The following WTAP variants were observed in gnomAD, a reference collection of about 807,000 sequenced individuals.
WTAP encodes WT1 associated protein, also known as pre-mRNA-splicing regulator WTAP.
In WTAP, 8 loss-of-function variants were observed where a neutral mutation model predicts 50.0. The observed-to-expected ratio is 0.16, with a 90% CI of 0.09 to 0.29. The LOEUF (loss-of-function observed/expected upper bound fraction) is 0.29. Among genes scored for constraint, WTAP ranks in the 10% least tolerant of loss-of-function variants. WTAP has a pLI of 1.00. For missense variants in WTAP, 295 were observed against 470.7 expected (o/e 0.63, Z 3.45); for synonymous variants, 194 against 169.0 (o/e 1.15, Z -1.15).
At position 159,743,803 on chromosome 6, in the gene WTAP, C is replaced by G. The variant is rs370153583; in HGVS notation, c.273+11C>G. On this transcript the variant is annotated intron_variant, in intron 5 of 7. Transcript: ENST00000621533. Reference sequence around the variant, plus strand: ...ATGCAAGAGTGTACTGTAAGTATTTCAAGTTATATAAATGTCTTTAGTTGA... The same window carrying G: ...ATGCAAGAGTGTACTGTAAGTATTTGAAGTTATATAAATGTCTTTAGTTGA... 1.5e-5 allele frequency: 24 copies of G among 1,592,366 alleles called. No homozygotes were observed. The highest frequency in any genetic ancestry group is 2.0e-5 in the Non-Finnish European group (24 of 1,172,594).
At position 159,727,512 on chromosome 6, in the gene WTAP, C is replaced by G; in HGVS notation, c.-200C>G. On this transcript the variant is annotated 5_prime_UTR_variant, in exon 1 of 8. Transcript: ENST00000621533. ...GGCGGCGGGGCCTGGTTTCCTCCCT[C>G]AGCGCCATTTTGTGGCAGCGAGACC... is the stretch of plus-strand genomic sequence containing the variant. The G allele has an allele frequency of 1.0e-6, 1 of 992,894 alleles. No individual in the cohort carries two copies. Among genetic ancestry groups the G allele is most frequent in the Non-Finnish European group, 1.2e-6 (1 of 835,764 alleles). The allele number at this position is 992,894 out of a possible 1,614,324, so 61.5% of individuals were successfully genotyped here.
At position 159,727,696 on chromosome 6, in the gene WTAP, C is replaced by G. The variant is rs1276356087; in HGVS notation, c.-16C>G. The G allele has an allele frequency of 3.1e-6, 3 of 983,350 alleles. No individual in the cohort carries two copies. Among genetic ancestry groups the G allele is most frequent in the African/African-American group, 1.8e-5 (1 of 56,270 alleles). The allele number at this position is 983,350 out of a possible 1,614,324, so 60.9% of individuals were successfully genotyped here. ...CCGGTGGCGCCGGCGCGGCTTCTGC[C>G]TGGAGAGGTAGGCGCGGGCCGGCTG... On this transcript the variant is annotated 5_prime_UTR_variant, in exon 1 of 8. Transcript: ENST00000621533.
intron 2 of WTAP, among the ~76,000 whole-genome samples, chr6:159,737,709 C>G (rs1779006127): frequency 6.6e-6 from 1 of 152,056 alleles, no homozygotes. Context: ...CCAGGCTGAT[C>G]TTGAACTCCC....
At chr6:159,735,284 G>A (rs558877188) in intron 1 of WTAP, among the ~76,000 whole-genome samples, 1 of 152,188 alleles carries the variant, frequency 6.6e-6, no homozygotes, top group African/African-American at 2.4e-5. Context: ...GATTACAGGC[G>A]TGTGCCACTA....
At chr6:159,737,433 A>AT (rs748291962) in intron 2 of WTAP, among the ~76,000 whole-genome samples, 1 of 152,176 alleles carries the variant, frequency 6.6e-6, no homozygotes, top group Non-Finnish European at 1.5e-5. Flanking sequence ...AATTTGAAAC[A>AT]TTTTTAAGGA....
At chr6:159,729,981 G>A (rs569225037) in intron 1 of WTAP, among the ~76,000 whole-genome samples, 64 of 152,260 alleles carry the variant, frequency 4.2e-4, no homozygotes, top group African/African-American at 1.5e-3. Flanking sequence ...CTGTGTTAAG[G>A]CATCAAGAGT....
At chr6:159,731,140 CAAAA>C (rs892276964) in intron 1 of WTAP, among the ~76,000 whole-genome samples, 5 of 149,956 alleles carry the variant, frequency 3.3e-5, no homozygotes, top group African/African-American at 9.8e-5. Context: ...GACTACGTCT[CAAAA>C]AAAAGAAAAA....
chr6:159,734,427 CTAG>C (rs1013824219), intron 1 of WTAP, among the ~76,000 whole-genome samples: 1 of 150,948 alleles, frequency 6.6e-6, no homozygotes, highest in African/African-American at 2.4e-5. Context: ...GGTCAAATTT[CTAG>C]TAGTTTAGAA....
At chr6:159,732,052 A>C (rs1363984662) in intron 1 of WTAP, among the ~76,000 whole-genome samples, 5 of 152,194 alleles carry the variant, frequency 3.3e-5, no homozygotes, top group African/African-American at 1.2e-4. Context: ...AAATCCTGGC[A>C]TAGGAATTTG....
chr6:159,753,233 G>A, intron 6 of WTAP: 2 of 545,128 alleles, frequency 3.7e-6, no homozygotes, highest in South Asian at 4.2e-5. Flanking sequence ...GAAACAAGGT[G>A]TAGCTGTTTG....
chr6:159,741,939 G>A (rs569422791), intron 3 of WTAP, 149 bp from the exon 4 acceptor site: 8 of 600,692 alleles, frequency 1.3e-5, no homozygotes, highest in South Asian at 9.8e-5. Context: ...GGGACAGAGC[G>A]AGACTCTGTC....
chr6:159,743,539 T>TG, intron 4 of WTAP, 126 bp from the exon 5 acceptor site: 1 of 937,384 alleles, frequency 1.1e-6, no homozygotes, highest in South Asian at 2.1e-5. Context: ...TCGCCTGTTA[T>TG]AAAAGTAGTT....
rs141122312 is a variant in WTAP, at chr6:159,750,414, A to G, written c.452+2045A>G. On this transcript the variant is annotated intron_variant, in intron 6 of 7. Transcript: ENST00000621533. Reference sequence around the variant, plus strand: ...AAGATAATACATGCTTATGTATAAAATTGAAATACTGTAGAGAAAGGGGGA... The same window carrying G: ...AAGATAATACATGCTTATGTATAAAGTTGAAATACTGTAGAGAAAGGGGGA... Among the ~76,000 whole-genome samples the G allele has an allele frequency of 2.0e-5, 3 of 152,324 alleles. No homozygotes were observed. The East Asian group carries it at 5.8e-4, about 29-fold the overall frequency.
At chr6:159,747,660 T>A (rs538893060) in intron 5 of WTAP, among the ~76,000 whole-genome samples, 2 of 152,346 alleles carry the variant, frequency 1.3e-5, no homozygotes, top group South Asian at 2.1e-4. Flanking sequence ...ATAGAATAAT[T>A]TCCACAGGTA....
intron 5 of WTAP, among the ~76,000 whole-genome samples, chr6:159,745,437 C>CTT (rs34144985): frequency 1.4e-5 from 2 of 145,228 alleles, no homozygotes; most frequent in South Asian, 2.2e-4. Flanking sequence ...CCTTTTCCAG[C>CTT]TTTTTTTTTT....
chr6:159,738,882 G>T (rs1583079157), intron 2 of WTAP, 108 bp from the exon 3 acceptor site: 2 of 765,548 alleles, frequency 2.6e-6, no homozygotes, highest in South Asian at 3.8e-5. Flanking sequence ...ATCATAATAT[G>T]TACTGAGCCG....
At chr6:159,727,057 C>T (rs916120570), upstream of WTAP, 18 of 1,216,376 alleles carry the variant, frequency 1.5e-5, no homozygotes, top group Non-Finnish European at 1.9e-5. Flanking sequence ...CTTCCACCTT[C>T]CCTTCCCGTG....
chr6:159,743,063 T>C (rs1222532163), intron 4 of WTAP, among the ~76,000 whole-genome samples: 1 of 152,248 alleles, frequency 6.6e-6, no homozygotes, highest in Non-Finnish European at 1.5e-5. Flanking sequence ...TATTTGTTTG[T>C]TTGAGACAGG....
At chr6:159,754,573 C>G (rs994250846) in intron 7 of WTAP, among the ~76,000 whole-genome samples, 2 of 152,186 alleles carry the variant, frequency 1.3e-5, no homozygotes, top group African/African-American at 4.8e-5. Flanking sequence ...CCACAGTAAG[C>G]CCCTCATATA....
Sources: gnomAD v4.1 joint callset for allele counts (sites outside exome capture counted in the v4.1 genomes callset) on GRCh38, gnomAD v4.1.1 for gene constraint, MANE v1.5 for transcripts, NCBI Gene and HGNC (gene_info 2026-07-23, HGNC 2026-07-21) for gene names.